The following KIAA0825 variants were observed in gnomAD, a reference collection of about 807,000 sequenced individuals.
The protein encoded by KIAA0825 is KIAA0825.
KIAA0825 carries 119 observed loss-of-function variants against 147.6 expected under a neutral mutation model. The ratio of observed to expected loss-of-function variants is 0.81; its 90% CI spans 0.69 to 0.94. KIAA0825 has a LOEUF of 0.94. Among genes scored for constraint, KIAA0825 ranks in the 40% least tolerant of loss-of-function variants. The probability of loss-of-function intolerance (pLI) is 0.00; values close to 1 mark genes in which losing one functional copy is unlikely to be tolerated. For missense variants in KIAA0825, 1,381 were observed against 1,472.7 expected, an observed-to-expected ratio of 0.94 and a Z score of 1.02; for synonymous variants, 470 against 518.1, an observed-to-expected ratio of 0.91 and a Z score of 1.26.
Position 94,153,473 on chromosome 5 carries a change from A to G in KIAA0825, c.*534T>C, listed in dbSNP as rs1487177922. 6.6e-6 allele frequency: 1 copy of G among 152,172 alleles called. No individual in the cohort carries two copies. The highest frequency in any genetic ancestry group is 1.5e-5 in the Non-Finnish European group (1 of 68,072). The allele number at this position is 152,172 out of a possible 1,614,324, so 9.4% of individuals were successfully genotyped here. A position where few individuals can be genotyped will look rare whatever the true frequency, so the allele number is the denominator to read the frequency against. ...TACAAGCAGAGGTGTGACTAAAGTT[A>G]TAGTTCAGGAGAATGCTTTTTTTTG... is the stretch of plus-strand genomic sequence containing the variant. On this transcript the variant is annotated 3_prime_UTR_variant, in exon 21 of 21. Transcript: ENST00000682413.
intron 2 of KIAA0825, among the ~76,000 whole-genome samples, chr5:94,563,550 G>T (rs888491248): frequency 6.6e-6 from 1 of 152,076 alleles, no homozygotes; most frequent in African/African-American, 2.4e-5. Context: ...ATAATAAGTT[G>T]TAGAGAAATA....
chr5:94,248,208 T>G (rs938437279), intron 20 of KIAA0825, among the ~76,000 whole-genome samples: 1 of 152,112 alleles, frequency 6.6e-6, no homozygotes, highest in Non-Finnish European at 1.5e-5. Flanking sequence ...ACCAGCAACC[T>G]TCCCAAAGAT....
intron 2 of KIAA0825, among the ~76,000 whole-genome samples, chr5:94,556,880 C>T (rs1464054781): frequency 6.6e-6 from 1 of 152,208 alleles, no homozygotes; most frequent in African/African-American, 2.4e-5. Context: ...TCGAACCTTA[C>T]ACTGAAATTG....
chr5:94,172,691 T>G (rs1265692067), intron 20 of KIAA0825, among the ~76,000 whole-genome samples: 1 of 148,884 alleles, frequency 6.7e-6, no homozygotes, highest in African/African-American at 2.4e-5. Context: ...GACTCATGAT[T>G]TTTTTTTTGG....
chr5:94,469,982 A>G lies in KIAA0825; in HGVS notation c.1851T>C (p.Asp617=). ...ILQDAESHHW[D]DYKAFYEGER... is the part of the protein sequence containing the mutation. ...ACACCTCATAAAAAGCTTTGTAGTC[A>G]TCCCAGTGGTGGCTCTCAGCATCCT... The change falls in exon 10 of 21, where the codon GAT becomes GAC. Residue 617 remains aspartate, a synonymous_variant. Transcript: ENST00000682413. The G allele has an allele frequency of 2.6e-6, 4 of 1,551,452 alleles. No individual in the cohort carries two copies. The highest frequency in any genetic ancestry group is 3.5e-6 in the Non-Finnish European group (4 of 1,146,836).
At chr5:94,251,043 C>T (rs1336630227) in intron 20 of KIAA0825, among the ~76,000 whole-genome samples, 1 of 152,060 alleles carries the variant, frequency 6.6e-6, no homozygotes, top group Admixed American at 6.6e-5. Flanking sequence ...CAGCTGCTGA[C>T]CCTAATATGG....
At chr5:94,466,695 C>T (rs1382977613) in intron 10 of KIAA0825, among the ~76,000 whole-genome samples, 2 of 145,148 alleles carry the variant, frequency 1.4e-5, no homozygotes, top group Non-Finnish European at 3.0e-5. Flanking sequence ...CGAGATCGTG[C>T]CACTGCACTC....
intron 20 of KIAA0825, among the ~76,000 whole-genome samples, chr5:94,170,070 C>T (rs1223277016): frequency 2.0e-5 from 3 of 152,018 alleles, no homozygotes; most frequent in Non-Finnish European, 2.9e-5. Flanking sequence ...GAGGTCGAGG[C>T]GGGCAGTTCA....
At chr5:94,287,460 A>T (rs767060703) in intron 20 of KIAA0825, among the ~76,000 whole-genome samples, 4 of 152,180 alleles carry the variant, frequency 2.6e-5, no homozygotes, top group Non-Finnish European at 5.9e-5. Context: ...CAGCCACTAT[A>T]TTTTCTTTCT....
rs77549222 is a variant in KIAA0825 at position 94,496,471 on chromosome 5, G to A, written c.971-11541C>T. 1.9e-3 allele frequency among the ~76,000 whole-genome samples: 283 copies of A among 152,270 alleles called. 7 individuals are homozygous for A. In the East Asian group the frequency reaches 0.05, roughly 27 times the overall value. On this transcript the variant is annotated intron_variant, in intron 5 of 20. Transcript: ENST00000682413. ...TAGAAAGAATGCAAAACAGAGAACA[G>A]TTATAGATTACTGACACACAAAGGC...
At chr5:94,437,303 A>G (rs953592271) in intron 14 of KIAA0825, among the ~76,000 whole-genome samples, 1 of 152,188 alleles carries the variant, frequency 6.6e-6, no homozygotes, top group African/African-American at 2.4e-5. Flanking sequence ...AGTGACAAGA[A>G]TTCTATTGGA....
chr5:94,557,523 AGACAG>A (rs1776771141), intron 2 of KIAA0825, among the ~76,000 whole-genome samples: 1 of 151,852 alleles, frequency 6.6e-6, no homozygotes, highest in Non-Finnish European at 1.5e-5. Flanking sequence ...CCATTATGAG[AGACAG>A]GACTAGCTGG....
At chr5:94,253,050 T>G (rs906687310) in intron 20 of KIAA0825, among the ~76,000 whole-genome samples, 2 of 152,156 alleles carry the variant, frequency 1.3e-5, no homozygotes, top group Non-Finnish European at 1.5e-5. Flanking sequence ...GTGCAATATT[T>G]TTAAAAGCTT....
In KIAA0825 at chr5:94,572,554, T is replaced by C. The variant is rs140362336; in HGVS notation, c.-2+9879A>G. Among the ~76,000 whole-genome samples the C allele has an allele frequency of 8.7e-3, 1,328 of 152,278 alleles. 23 individuals carry two copies. Among genetic ancestry groups the C allele is most frequent in the African/African-American group, 0.03 (1,267 of 41,562 alleles). The stretch of plus-strand genomic sequence containing the variant: ...TTATATATAACTGTTAAATAATACT[T>C]CACTCAAAAACGAAAAATCTGCAAT... On this transcript the variant is annotated intron_variant, in intron 2 of 20. Coordinates refer to ENST00000682413, the MANE Select transcript of KIAA0825 (RefSeq NM_001145678.3).
At chr5:94,466,851 A>C (rs1053849132) in intron 10 of KIAA0825, among the ~76,000 whole-genome samples, 4 of 152,132 alleles carry the variant, frequency 2.6e-5, no homozygotes, top group Non-Finnish European at 4.4e-5. Context: ...ATACTTTTTA[A>C]ACCAAGAAAG....
intron 20 of KIAA0825, among the ~76,000 whole-genome samples, chr5:94,289,894 A>T (rs1442018443): frequency 6.6e-6 from 1 of 151,888 alleles, no homozygotes. Context: ...AAATATTTTT[A>T]AAAATAGCCA....
At chr5:94,176,576 TTATAAGCACTAGGAGA>T (rs1288688178) in intron 20 of KIAA0825, among the ~76,000 whole-genome samples, 1 of 152,032 alleles carries the variant, frequency 6.6e-6, no homozygotes, top group Admixed American at 6.6e-5. Context: ...CTCTTTTCAT[TTATAAGCACTAGGAGA>T]TACTCAAGAG....
In KIAA0825 at chr5:94,470,044, T is replaced by A. The variant is rs1383395981; in HGVS notation, c.1789A>T (p.Asn597Tyr). Residue 597 changes from asparagine to tyrosine, a missense_variant, in exon 10 of 21, where the codon AAC becomes TAC. Transcript: ENST00000682413. ...GTAGCACAAACTCTGACGCAGTAGTTCGTAACCTGAAACTGTAGAGTGTTG... is the reference window on the plus strand; with the variant it reads ...GTAGCACAAACTCTGACGCAGTAGTACGTAACCTGAAACTGTAGAGTGTTG... ...FINTLQFQVT[N>Y]YCVRVCATSI... 6.4e-7 allele frequency: 1 copy of A among 1,551,732 alleles called. No homozygotes were observed. Among genetic ancestry groups the A allele is most frequent in the Admixed American group, 2.0e-5 (1 of 51,002 alleles).
intron 2 of KIAA0825, among the ~76,000 whole-genome samples, chr5:94,581,644 G>A (rs1440488818): frequency 6.6e-6 from 1 of 152,134 alleles, no homozygotes; most frequent in African/African-American, 2.4e-5. Flanking sequence ...TTTGGTGTTT[G>A]TGTCACAACC....
Sources: gnomAD v4.1 joint callset for allele counts (sites outside exome capture counted in the v4.1 genomes callset) on GRCh38, gnomAD v4.1.1 for gene constraint, MANE v1.5 for transcripts, NCBI Gene and HGNC (gene_info 2026-07-23, HGNC 2026-07-21) for gene names.